MYO5C: variants seen among roughly 807,000 people sequenced by gnomAD.
MYO5C encodes the protein unconventional myosin-Vc.
MYO5C carries 194 observed loss-of-function variants against 235.7 expected under a neutral mutation model. The ratio of observed to expected loss-of-function variants is 0.82; its 90% CI spans 0.73 to 0.93. The LOEUF is 0.93. Ranked by LOEUF, MYO5C falls within the 40% of genes least tolerant of loss-of-function variation. MYO5C has a pLI of 0.00. For missense variants in MYO5C, 2,038 were observed against 2,127.2 expected (o/e 0.96, Z 0.82); for synonymous variants, 707 against 754.8 (o/e 0.94, Z 1.04).
In MYO5C at chr15:52,205,877, C is replaced by T. The variant is rs2035301118; in HGVS notation, c.4476G>A (p.Val1492=). 1 of 1,593,128 alleles carries T rather than the reference C, an allele frequency of 6.3e-7. No individual in the cohort carries two copies. Among genetic ancestry groups the T allele is most frequent in the Non-Finnish European group, 8.6e-7 (1 of 1,165,514 alleles). Residue 1492 remains valine (V), a synonymous_variant, in exon 37 of 41, where the codon GTG becomes GTA. Transcript: ENST00000261839. ...LSEYRQILSD[V]AIRIYHQFII... is the part of the protein sequence containing the mutation. Reference sequence around the variant, plus strand: ...TAAATTGATGATATATTCGTATAGCCACATCACTGAGAATCTGTCTGTATT... The same window carrying T: ...TAAATTGATGATATATTCGTATAGCTACATCACTGAGAATCTGTCTGTATT...
At chr15:52,204,634 G>C (rs993026437) in intron 38 of MYO5C, among the ~76,000 whole-genome samples, 1 of 152,064 alleles carries the variant, frequency 6.6e-6, no homozygotes, top group Non-Finnish European at 1.5e-5. Context: ...ACTGGTTCTG[G>C]GTTAAAGCGG....
At chr15:52,213,385 G>T in intron 33 of MYO5C, 99 bp from the exon 34 acceptor site, 1 of 784,682 alleles carries the variant, frequency 1.3e-6, no homozygotes, top group Non-Finnish European at 2.2e-6. Flanking sequence ...TGGTTTGCAC[G>T]TAAATGTCTG....
chr15:52,238,920 C>A (rs1022842653), intron 21 of MYO5C, among the ~76,000 whole-genome samples: 2 of 151,066 alleles, frequency 1.3e-5, no homozygotes, highest in Non-Finnish European at 2.9e-5. Flanking sequence ...GGATTACAGG[C>A]GTGAGCCACC....
intron 19 of MYO5C, 61 bp downstream of exon 19, chr15:52,244,295 C>T: frequency 6.5e-7 from 1 of 1,538,218 alleles, no homozygotes; most frequent in South Asian, 1.2e-5. Context: ...GTCCTCCCCG[C>T]CGGAGATGAT....
At chr15:52,256,472 G>A (rs2036580615) in intron 11 of MYO5C, among the ~76,000 whole-genome samples, 167 bp downstream of exon 11, 1 of 151,972 alleles carries the variant, frequency 6.6e-6, no homozygotes, top group African/African-American at 2.4e-5. Flanking sequence ...GTGATTTCAA[G>A]ATTTGGCCAC....
intron 24 of MYO5C, among the ~76,000 whole-genome samples, chr15:52,231,093 G>C (rs1223816627): frequency 6.6e-6 from 1 of 152,208 alleles, no homozygotes; most frequent in Non-Finnish European, 1.5e-5. Flanking sequence ...CTCCCAAAGT[G>C]CTGGGATTAC....
At chr15:52,202,096 A>C (rs912126920) in intron 38 of MYO5C, among the ~76,000 whole-genome samples, 1 of 152,166 alleles carries the variant, frequency 6.6e-6, no homozygotes, top group African/African-American at 2.4e-5. Context: ...AAACGTCCCC[A>C]TTTGGAAGCA....
rs187063418 is a variant in MYO5C, at chr15:52,291,071, A to G, written c.27+4539T>C. 1.8e-3 allele frequency among the ~76,000 whole-genome samples: 278 copies of G among 152,334 alleles called. 1 individual carries two copies. Among genetic ancestry groups the G allele is most frequent in the African/African-American group, 6.4e-3 (268 of 41,578 alleles). On this transcript the variant is annotated intron_variant, in intron 1 of 40. Transcript: ENST00000261839. ...TGGTGTCACCCAGTTAGTAAGGGGC[A>G]GGACCAGGACTTGATTTGACCCACC...
chr15:52,285,424 TCC>T (rs1491500970), intron 1 of MYO5C, among the ~76,000 whole-genome samples: 2 of 19,312 alleles, frequency 1.0e-4, no homozygotes, highest in Admixed American at 1.3e-3. Flanking sequence ...CTCCCTCCTC[TCC>T]CTCTCCCTCT....
intron 23 of MYO5C, among the ~76,000 whole-genome samples, chr15:52,235,103 TA>T (rs1346608936): frequency 3.9e-5 from 6 of 152,154 alleles, no homozygotes; most frequent in African/African-American, 1.4e-4. Context: ...TCCACAGCCC[TA>T]AAGGAAGTGA....
At chr15:52,264,425 A>T in intron 8 of MYO5C, 129 bp from the exon 9 acceptor site, 1 of 696,346 alleles carries the variant, frequency 1.4e-6, no homozygotes, top group Non-Finnish European at 2.4e-6. Flanking sequence ...CGTGAAGTGG[A>T]CCCCAGGGGC....
intron 37 of MYO5C, 31 bp from the exon 38 acceptor site, chr15:52,205,178 C>A (rs376962592): frequency 1.0e-5 from 16 of 1,605,922 alleles, no homozygotes; most frequent in Non-Finnish European, 1.4e-5. Flanking sequence ...TGTGCTGACA[C>A]GCCAGGAGAC....
At chr15:52,196,607 T>G (rs2035058155) in intron 38 of MYO5C, 124 bp from the exon 39 acceptor site, 5 of 853,370 alleles carry the variant, frequency 5.9e-6, no homozygotes, top group Non-Finnish European at 7.2e-6. Flanking sequence ...GTTACTCATC[T>G]GCAAAATGAG....
Position 52,211,887 on chromosome 15 carries a change from G to A in MYO5C, c.4142-3C>T, listed in dbSNP as rs755365106. On this transcript the variant is annotated splice_region_variant and splice_polypyrimidine_tract_variant and intron_variant, in intron 34 of 40. Transcript: ENST00000261839. ...CACCACGCCACGGGGCTTCAAGTCT[G>A]AAGCAGAGAGAGCCAATGAGGATTA... 1.2e-6 allele frequency: 2 copies of A among 1,613,094 alleles called. No homozygotes were observed. Among genetic ancestry groups the A allele is most frequent in the Admixed American group, 1.7e-5 (1 of 59,940 alleles).
intron 10 of MYO5C, among the ~76,000 whole-genome samples, chr15:52,259,626 T>C (rs1303539314): frequency 6.6e-6 from 1 of 152,252 alleles, no homozygotes; most frequent in Non-Finnish European, 1.5e-5. Flanking sequence ...GCTCAAACAC[T>C]TTCTGGGAAG....
intron 9 of MYO5C, among the ~76,000 whole-genome samples, chr15:52,262,954 C>A (rs1327939723): frequency 6.6e-6 from 1 of 152,096 alleles, no homozygotes; most frequent in Admixed American, 6.5e-5. Flanking sequence ...GAAGGTGAGG[C>A]CTGCCATGAT....
chr15:52,240,966 G>GTGAACACTTATTGC (rs1171198198), intron 20 of MYO5C, among the ~76,000 whole-genome samples: 33 of 152,246 alleles, frequency 2.2e-4, no homozygotes, highest in Middle Eastern at 6.8e-3. Flanking sequence ...TTATGTTGAA[G>GTGAACACTTATTGC]TGAACACTTA....
chr15:52,205,010 A>G lies in MYO5C; in HGVS notation c.4675T>C (p.Tyr1559His). The change falls in exon 38 of 41, where the codon TAC becomes CAC. Residue 1559 changes from tyrosine (Y) to histidine (H), a missense_variant. Transcript: ENST00000261839. ...AGGCCGTTCTGGCACATGGTGGTGT[A>G]AAAGTAGCTCAGCTGTTGCAGGACG... ...TSVLQQLSYF[Y>H]TTMCQNGLDP... is the part of the protein sequence containing the mutation. The G allele has an allele frequency of 1.2e-6, 2 of 1,614,226 alleles. No homozygotes were observed. The highest frequency in any genetic ancestry group is 1.3e-5 in the African/African-American group (1 of 75,070).
intron 10 of MYO5C, among the ~76,000 whole-genome samples, chr15:52,260,428 C>T (rs1054839189): frequency 6.6e-6 from 1 of 152,236 alleles, no homozygotes; most frequent in African/African-American, 2.4e-5. Flanking sequence ...TGGGGCTCCA[C>T]ACCTCAGGGG....
Sources: gnomAD v4.1 joint callset for allele counts (sites outside exome capture counted in the v4.1 genomes callset) on GRCh38, gnomAD v4.1.1 for gene constraint, MANE v1.5 for transcripts, NCBI Gene and HGNC (gene_info 2026-07-23, HGNC 2026-07-21) for gene names.